DLGAP2: variants seen among roughly 807,000 people sequenced by gnomAD.
DLGAP2 encodes DLG associated protein 2.
A neutral mutation model predicts 100.3 loss-of-function variants in DLGAP2; 26 were observed. The observed-to-expected ratio is 0.26, with a 90% confidence interval of 0.19 to 0.36. DLGAP2 has a LOEUF of 0.36. Ranked by LOEUF, DLGAP2 falls within the 10% of genes least tolerant of loss-of-function variation. The pLI, the probability that DLGAP2 is intolerant of heterozygous loss-of-function variation, is 1.00. For synonymous variants in DLGAP2, 886 were observed against 630.1 expected (o/e 1.41, Z -6.08); for missense variants, 1,858 against 1,453.2 (o/e 1.28, Z -4.53).
intron 1 of DLGAP2, among the ~76,000 whole-genome samples, chr8:795,230 C>T: frequency 6.6e-6 from 1 of 152,236 alleles, no homozygotes; most frequent in Non-Finnish European, 1.5e-5. Flanking sequence ...GCAATTTTGT[C>T]AATCAATCAG....
chr8:1,632,215 G>A, intron 7 of DLGAP2, among the ~76,000 whole-genome samples: 1 of 152,188 alleles, frequency 6.6e-6, no homozygotes, highest in East Asian at 1.9e-4. Context: ...CATTTCATGT[G>A]GACGAAAACA....
intron 2 of DLGAP2, among the ~76,000 whole-genome samples, chr8:1,230,019 A>C (rs1483646540): frequency 1.3e-5 from 2 of 152,192 alleles, no homozygotes; most frequent in African/African-American, 4.8e-5. Context: ...CAGAACAATC[A>C]GGCAAGAAAA....
rs1799572848 is a variant in DLGAP2, at chr8:1,701,571, C to A, written c.*165C>A. ...GGGACGCGGCCGGCGGCCTCAGAGT[C>A]CACGGAGCTCGCGGCGAGGACGACT... On this transcript the variant is annotated 3_prime_UTR_variant, in exon 15 of 15. Coordinates refer to ENST00000637795, the MANE Select transcript of DLGAP2 (RefSeq NM_001346810.2). 2 of 718,576 alleles carry A rather than the reference C, an allele frequency of 2.8e-6. No homozygotes were observed. Among genetic ancestry groups the A allele is most frequent in the East Asian group, 5.6e-5 (2 of 35,444 alleles). 44.5% of individuals were successfully genotyped at this position (718,576 alleles called of 1,614,324 possible). A position where few individuals can be genotyped will look rare whatever the true frequency, so the allele number is the denominator to read the frequency against.
chr8:1,284,497 C>G (rs980165760), intron 3 of DLGAP2, among the ~76,000 whole-genome samples: 6 of 152,156 alleles, frequency 3.9e-5, no homozygotes, highest in African/African-American at 1.4e-4. Flanking sequence ...ATGACAAGAC[C>G]ACAGTCCCCA....
intron 7 of DLGAP2, among the ~76,000 whole-genome samples, chr8:1,630,373 G>C (rs1797611260): frequency 6.6e-6 from 1 of 152,164 alleles, no homozygotes; most frequent in Non-Finnish European, 1.5e-5. Flanking sequence ...GGGCTCTGGA[G>C]AGATGTGAAT....
chr8:1,473,805 G>C (rs1170572105), intron 3 of DLGAP2, among the ~76,000 whole-genome samples: 1 of 152,088 alleles, frequency 6.6e-6, no homozygotes, highest in African/African-American at 2.4e-5. Context: ...TTTTCTGAGG[G>C]GTTTCCCATT....
At chr8:1,620,226 CT>C (rs1797286369) in intron 6 of DLGAP2, 1 of 152,244 alleles carries the variant, frequency 6.6e-6, no homozygotes, top group African/African-American at 2.4e-5. Context: ...CTTGCTGCAT[CT>C]GACGGTCTTT....
chr8:970,928 T>C (rs1285866899), intron 2 of DLGAP2, among the ~76,000 whole-genome samples: 1 of 152,246 alleles, frequency 6.6e-6, no homozygotes, highest in Non-Finnish European at 1.5e-5. Flanking sequence ...GTTTAAGTAA[T>C]GTGCATTATT....
intron 2 of DLGAP2, among the ~76,000 whole-genome samples, chr8:941,955 T>G (rs533364480): frequency 6.6e-6 from 1 of 152,280 alleles, no homozygotes; most frequent in African/African-American, 2.4e-5. Flanking sequence ...GGGGTGCTGA[T>G]GCATCATCAG....
At chr8:1,460,282 G>A (rs733597) in intron 3 of DLGAP2, among the ~76,000 whole-genome samples, 76,769 of 152,074 alleles carry the variant, frequency 0.5, 19,884 homozygotes, top group East Asian at 0.84. Flanking sequence ...GCTTATGATC[G>A]AACTTGTGTC....
intron 4 of DLGAP2, among the ~76,000 whole-genome samples, chr8:1,504,566 T>C (rs1412701655): frequency 6.6e-6 from 1 of 152,192 alleles, no homozygotes; most frequent in Non-Finnish European, 1.5e-5. Flanking sequence ...CAACCCTCTC[T>C]CTGTTGACCA....
At chr8:1,321,153 C>T (rs902281564) in intron 3 of DLGAP2, among the ~76,000 whole-genome samples, 1 of 151,192 alleles carries the variant, frequency 6.6e-6, no homozygotes, top group African/African-American at 2.4e-5. Context: ...GTGCATGCAT[C>T]CGTGCCCGTA....
intron 4 of DLGAP2, among the ~76,000 whole-genome samples, chr8:1,519,378 A>G (rs1008071689): frequency 6.6e-6 from 1 of 152,172 alleles, no homozygotes; most frequent in Non-Finnish European, 1.5e-5. Flanking sequence ...TGACTGCCCG[A>G]AATTCAGTGT....
At chr8:1,582,027 C>G (rs913294239) in intron 6 of DLGAP2, among the ~76,000 whole-genome samples, 4 of 149,094 alleles carry the variant, frequency 2.7e-5, no homozygotes, top group Non-Finnish European at 4.4e-5. Flanking sequence ...AGAAAAAACC[C>G]CACACACGTC....
At chr8:1,121,683 C>G (rs1408129945) in intron 2 of DLGAP2, among the ~76,000 whole-genome samples, 3 of 151,958 alleles carry the variant, frequency 2.0e-5, no homozygotes, top group Non-Finnish European at 2.9e-5. Context: ...GACCACCCAA[C>G]CTCATCTTTC....
At chr8:1,349,743 A>T (rs1801663718) in intron 3 of DLGAP2, among the ~76,000 whole-genome samples, 1 of 152,152 alleles carries the variant, frequency 6.6e-6, no homozygotes, top group Admixed American at 6.5e-5. Flanking sequence ...CACAGGTAGG[A>T]AGAGGAAGGA....
chr8:1,131,679 G>A (rs1317985423), intron 2 of DLGAP2, among the ~76,000 whole-genome samples: 3 of 151,100 alleles, frequency 2.0e-5, no homozygotes, highest in East Asian at 1.9e-4. Context: ...GATGTTTGCC[G>A]GACGCGGCTG....
intron 1 of DLGAP2, among the ~76,000 whole-genome samples, chr8:886,383 C>T (rs531245065): frequency 1.4e-4 from 21 of 151,898 alleles, no homozygotes; most frequent in South Asian, 1.2e-3. Flanking sequence ...AATTCTTCTC[C>T]GATGTTAGTT....
chr8:1,437,813 C>CAAAAAAAAAAAAAAAAA (rs59165125), intron 3 of DLGAP2, among the ~76,000 whole-genome samples: 1 of 85,222 alleles, frequency 1.2e-5, no homozygotes, highest in Non-Finnish European at 2.2e-5. Context: ...ACTAAAAATA[C>CAAAAAAAAAAAAAAAAA]AAAAAAAAAA....
Sources: gnomAD v4.1 joint callset for allele counts (sites outside exome capture counted in the v4.1 genomes callset) on GRCh38, gnomAD v4.1.1 for gene constraint, MANE v1.5 for transcripts, NCBI Gene and HGNC (gene_info 2026-07-23, HGNC 2026-07-21) for gene names.